Variants in TRIM41 observed in about 807,000 individuals in gnomAD.
TRIM41 encodes E3 ubiquitin-protein ligase TRIM41.
TRIM41 carries 21 observed loss-of-function variants against 60.6 expected under a neutral mutation model. The ratio of observed to expected loss-of-function variants is 0.35; its 90% CI spans 0.25 to 0.50. The LOEUF is 0.50. Among genes scored for constraint, TRIM41 ranks in the 20% least tolerant of loss-of-function variants. The probability of loss-of-function intolerance (pLI) is 0.98; values close to 1 mark genes in which losing one functional copy is unlikely to be tolerated. For synonymous variants in TRIM41, 407 were observed against 344.9 expected, an observed-to-expected ratio of 1.18 and a Z score of -2.00; for missense variants, 846 against 868.3, an observed-to-expected ratio of 0.97 and a Z score of 0.32.
At position 181,234,444 on chromosome 5, in the gene TRIM41, G is replaced by A. The variant is rs1466244799; in HGVS notation, c.1562G>A (p.Gly521Asp). Residue 521 changes from glycine to aspartate, a missense_variant, in exon 6 of 6, where the codon GGC becomes GAC. Transcript: ENST00000315073. This position sits in a 1 kb window ranked among gnomAD's most constrained non-coding sequence, Gnocchi z 5.6. ...GTGGGCCCTGGGGGTTCCTCCGTGGGCAGCGGGGATGCCAGCTCCTCGCGC... is the reference window on the plus strand; with the variant it reads ...GTGGGCCCTGGGGGTTCCTCCGTGGACAGCGGGGATGCCAGCTCCTCGCGC... ...EKVGPGGSSVGSGDASSSRHH... is the reference protein window; with the variant it reads ...EKVGPGGSSVDSGDASSSRHH... 1.2e-6 allele frequency: 2 copies of A among 1,608,938 alleles called. No individual in the cohort carries two copies. The highest frequency in any genetic ancestry group is 3.4e-5 in the Admixed American group (2 of 59,144).
intron 2 of TRIM41, 110 bp from the exon 3 acceptor site, chr5:181,232,549 G>A: frequency 9.9e-7 from 1 of 1,005,690 alleles, no homozygotes; most frequent in South Asian, 1.5e-5. Flanking sequence ...TCTTGGACCT[G>A]GGGAGTGTAG....
At chr5:181,231,388 T>C (rs994682923) in intron 2 of TRIM41, 9 of 153,132 alleles carry the variant, frequency 5.9e-5, no homozygotes, top group Admixed American at 3.2e-4. Context: ...TTTTCCATTA[T>C]TGCTCGCCCT....
Position 181,223,399 on chromosome 5 carries a change from A to G in TRIM41, c.-601A>G, listed in dbSNP as rs939221787. The G allele has an allele frequency of 5.3e-5, 21 of 399,678 alleles. No homozygotes were observed. The highest frequency in any genetic ancestry group is 6.2e-4 in the Middle Eastern group (1 of 1,612). 24.8% of individuals were successfully genotyped at this position (399,678 alleles called of 1,614,324 possible). On this transcript the variant is annotated 5_prime_UTR_variant, in exon 1 of 6. Coordinates refer to ENST00000315073, the MANE Select transcript of TRIM41 (RefSeq NM_033549.5). ...CAGACGGCCGCCAGGCGCTCCCCCT[A>G]CCCCCCGAAGTTTCTCCCCAGCGGC...
chr5:181,224,957 C>T, intron 1 of TRIM41, 145 bp downstream of exon 1: 1 of 973,436 alleles, frequency 1.0e-6, no homozygotes, highest in Non-Finnish European at 1.5e-6. Flanking sequence ...GCACTTACTG[C>T]CACCAAGGTG....
chr5:181,224,100 G>T lies in TRIM41; in HGVS notation c.101G>T (p.Gly34Val). ...LDYFTDPVSI[G>V]CGHNFCRVCV... Reference sequence around the variant, plus strand: ...TACTTCACGGACCCCGTGTCCATCGGCTGCGGGCACAACTTCTGCCGAGTT... The same window carrying T: ...TACTTCACGGACCCCGTGTCCATCGTCTGCGGGCACAACTTCTGCCGAGTT... Residue 34 changes from glycine to valine, a missense_variant, in exon 1 of 6, where the codon GGC becomes GTC. Gly to Val is a moderately radical substitution (Grantham distance 109, BLOSUM62 -3). Transcript: ENST00000315073. 1 of 1,614,256 alleles carries T rather than the reference G, an allele frequency of 6.2e-7. No individual in the cohort carries two copies. The highest frequency in any genetic ancestry group is 1.3e-5 in the African/African-American group (1 of 75,082).
Position 181,224,875 on chromosome 5 carries a change from C to T in TRIM41, c.813+63C>T, listed in dbSNP as rs762111271. On this transcript the variant is annotated intron_variant, in intron 1 of 5. Transcript: ENST00000315073. Reference sequence around the variant, plus strand: ...GGGGATGGAGAGGAAGTAAGGGGACCTGGGAAAAGGAAACATCTCTTCACC... The same window carrying T: ...GGGGATGGAGAGGAAGTAAGGGGACTTGGGAAAAGGAAACATCTCTTCACC... The T allele has an allele frequency of 4.4e-6, 7 of 1,606,208 alleles. No homozygotes were observed. In the South Asian group the frequency reaches 5.5e-5, roughly 13 times the overall value.
chr5:181,227,117 C>T (rs1758584593), intron 1 of TRIM41: 1 of 152,070 alleles, frequency 6.6e-6, no homozygotes. Context: ...AGGTGATCCG[C>T]CCAACTTGGC....
chr5:181,230,134 A>C (rs1356209654), intron 1 of TRIM41: 1 of 152,286 alleles, frequency 6.6e-6, no homozygotes, highest in Non-Finnish European at 1.5e-5. Flanking sequence ...TGCGGGGCTC[A>C]AGCCACTTCC....
At chr5:181,225,013 A>G (rs992122510) in intron 1 of TRIM41, 3 of 662,500 alleles carry the variant, frequency 4.5e-6, no homozygotes, top group South Asian at 2.0e-5. Flanking sequence ...TGCAGTGAAG[A>G]CGACCAGGGA....
rs141399091 is a variant in TRIM41, at chr5:181,224,239, G to A, written c.240G>A (p.Ala80=). 5.0e-4 allele frequency: 812 copies of A among 1,613,738 alleles called. 5 individuals are homozygous for A. The East Asian group carries it at 0.013, about 26-fold the overall frequency. The change falls in exon 1 of 6, where the codon GCG becomes GCA. Residue 80 remains alanine, a synonymous_variant. Transcript: ENST00000315073. ...AAGTGGAGGCTGTGGGGGCTGGCGC[G>A]GGGTGGGACACCCCCATGCGGGATG... ...EEEVEAVGAG[A]GWDTPMRDED... is the part of the protein sequence containing the mutation.
chr5:181,235,502 G>A lies in TRIM41; in HGVS notation c.*727G>A, dbSNP rs1363603705. 2.1e-6 allele frequency: 3 copies of A among 1,461,200 alleles called. No individual in the cohort carries two copies. The highest frequency in any genetic ancestry group is 9.3e-7 in the Non-Finnish European group (1 of 1,070,174). The allele number at this position is 1,461,200 out of a possible 1,614,324, so 90.5% of individuals were successfully genotyped here. A position where few individuals can be genotyped will look rare whatever the true frequency, so the allele number is the denominator to read the frequency against. Reference sequence around the variant, plus strand: ...TTCCAGCACTCAACCAAGGAGCAAAGCTCATCCCACCCCACACCCCTCCCA... The same window carrying A: ...TTCCAGCACTCAACCAAGGAGCAAAACTCATCCCACCCCACACCCCTCCCA... On this transcript the variant is annotated 3_prime_UTR_variant, in exon 6 of 6. Coordinates refer to ENST00000315073, the MANE Select transcript of TRIM41 (RefSeq NM_033549.5).
At position 181,234,873 on chromosome 5, in the gene TRIM41, C is replaced by T. The variant is rs368768298; in HGVS notation, c.*98C>T. 1.2e-6 allele frequency: 2 copies of T among 1,611,420 alleles called. No individual in the cohort carries two copies. Among genetic ancestry groups the T allele is most frequent in the Non-Finnish European group, 8.5e-7 (1 of 1,179,678 alleles). The stretch of plus-strand genomic sequence containing the variant: ...GAGGGCTCAAAGGCTCTTCCCACTG[C>T]TTGTTACTGTGTTGCTTCCCACTCC... On this transcript the variant is annotated 3_prime_UTR_variant, in exon 6 of 6. Coordinates refer to ENST00000315073, the MANE Select transcript of TRIM41 (RefSeq NM_033549.5). The surrounding 1 kb of genome is among the most constrained non-coding windows in gnomAD (Gnocchi z 5.6).
At position 181,235,048 on chromosome 5, in the gene TRIM41, C is replaced by A. The variant is rs750539605; in HGVS notation, c.*273C>A. On this transcript the variant is annotated 3_prime_UTR_variant, in exon 6 of 6. Coordinates refer to ENST00000315073, the MANE Select transcript of TRIM41 (RefSeq NM_033549.5). ...CAGCTGCCTGGTCTTCTCTCCCAGT[C>A]TGCCTAGCCCAGCCCTGGGACTGGA... 117 of 1,613,432 alleles carry A rather than the reference C, an allele frequency of 7.3e-5. No homozygotes were observed. The highest frequency in any genetic ancestry group is 2.5e-6 in the Non-Finnish European group (3 of 1,179,952).
rs1423183417 is a variant in TRIM41, at chr5:181,234,190, C to T, written c.1308C>T (p.Asp436=). ...CCTCCCAAGTGGACCTGACGCTGGA[C>T]CCTGACACGGCTCACCCGGCCCTGA... ...CQAARVDLTL[D]PDTAHPALML... The change falls in exon 6 of 6, where the codon GAC becomes GAT. Residue 436 remains aspartate, a synonymous_variant. Transcript: ENST00000315073. This position sits in a 1 kb window ranked among gnomAD's most constrained non-coding sequence, Gnocchi z 5.6. The T allele has an allele frequency of 1.2e-6, 2 of 1,612,022 alleles. No homozygotes were observed. The highest frequency in any genetic ancestry group is 1.1e-5 in the South Asian group (1 of 91,082).
In TRIM41 at chr5:181,224,405, T is replaced by C. The variant is rs1561666657; in HGVS notation, c.406T>C (p.Tyr136His). The C allele has an allele frequency of 6.2e-7, 1 of 1,611,384 alleles. No homozygotes were observed. The highest frequency in any genetic ancestry group is 8.5e-7 in the Non-Finnish European group (1 of 1,178,516). The change falls in exon 1 of 6, where the codon TAC becomes CAC. Residue 136 changes from tyrosine (Y) to histidine (H), a missense_variant. Physicochemically the swap from Tyr to His is moderately conservative, Grantham distance 83. Coordinates refer to ENST00000315073, the MANE Select transcript of TRIM41 (RefSeq NM_033549.5). ...GGACGAGGAGGAAGACCTGGACTAC[T>C]ACTTGGGGGACATGGAGGAGGAGGA... is the stretch of plus-strand genomic sequence containing the variant. The part of the protein sequence containing the change: ...EEDEEEDLDY[Y>H]LGDMEEEDLR...
At position 181,224,520 on chromosome 5, in the gene TRIM41, C is replaced by G; in HGVS notation, c.521C>G (p.Pro174Arg). ...GACCCCGTCACCCCACTGCCCCCGC[C>G]TCCAGCCCCTCGGAGGTGCTTCACA... The part of the protein sequence containing the change: ...DLDPVTPLPP[P>R]PAPRRCFTCP... Residue 174 changes from proline to arginine, a missense_variant, in exon 1 of 6, where the codon CCT becomes CGT. Coordinates refer to ENST00000315073, the MANE Select transcript of TRIM41 (RefSeq NM_033549.5). 1 of 1,612,194 alleles carries G rather than the reference C, an allele frequency of 6.2e-7. No homozygotes were observed. Among genetic ancestry groups the G allele is most frequent in the Non-Finnish European group, 8.5e-7 (1 of 1,178,478 alleles).
In TRIM41 at chr5:181,233,115, G is replaced by T; in HGVS notation, c.1140+226G>T. 1 of 718,742 alleles carries T rather than the reference G, an allele frequency of 1.4e-6. No homozygotes were observed. Among genetic ancestry groups the T allele is most frequent in the Non-Finnish European group, 2.5e-6 (1 of 399,798 alleles). The allele number at this position is 718,742 out of a possible 1,614,324, so 44.5% of individuals were successfully genotyped here. ...AGCATGAAGATTCGGTTGTAGGAGA[G>T]GTTTAAATGACAGTTGAGGAAAGTC... is the stretch of plus-strand genomic sequence containing the variant. On this transcript the variant is annotated intron_variant, in intron 3 of 5. Transcript: ENST00000315073. This position sits in a 1 kb window ranked among gnomAD's most constrained non-coding sequence, Gnocchi z 4.1.
Position 181,234,037 on chromosome 5 carries a change from C to G in TRIM41, c.1292-137C>G. The G allele has an allele frequency of 1.4e-6, 2 of 1,444,466 alleles. No individual in the cohort carries two copies. Among genetic ancestry groups the G allele is most frequent in the Non-Finnish European group, 1.9e-6 (2 of 1,049,714 alleles). The allele number at this position is 1,444,466 out of a possible 1,614,324, so 89.5% of individuals were successfully genotyped here. ...AAGAGTGAGGAGCAAGATGAGCCTG[C>G]AGGAATCTGAGGCTGGCCTCTGGGA... On this transcript the variant is annotated intron_variant, in intron 5 of 5. Transcript: ENST00000315073. The surrounding 1 kb of genome is among the most constrained non-coding windows in gnomAD (Gnocchi z 5.6).
chr5:181,234,958 A>C lies in TRIM41; in HGVS notation c.*183A>C, dbSNP rs1435235831. The C allele has an allele frequency of 6.2e-7, 1 of 1,614,036 alleles. No homozygotes were observed. The highest frequency in any genetic ancestry group is 2.2e-5 in the East Asian group (1 of 44,876). ...AGCCTAAAGAACCCTCCTGGCCTCC[A>C]GCTCAGCCTTCTCTCACCTACTATG... On this transcript the variant is annotated 3_prime_UTR_variant, in exon 6 of 6. Coordinates refer to ENST00000315073, the MANE Select transcript of TRIM41 (RefSeq NM_033549.5). The surrounding 1 kb of genome is among the most constrained non-coding windows in gnomAD (Gnocchi z 5.6).
Sources: allele counts gnomAD v4.1 joint callset, GRCh38; gene constraint gnomAD v4.1.1; non-coding constraint Gnocchi (gnomAD v3.1); transcripts MANE v1.5; gene names NCBI Gene and HGNC (gene_info 2026-07-23, HGNC 2026-07-21).